Variants in VAV3 observed in about 807,000 individuals in gnomAD.
VAV3 encodes the protein vav guanine nucleotide exchange factor 3, also known as guanine nucleotide exchange factor VAV3.
VAV3 carries 94 observed loss-of-function variants against 131.2 expected under a neutral mutation model. That is an observed-to-expected ratio of 0.72 (90% CI 0.61 to 0.85). The LOEUF (loss-of-function observed/expected upper bound fraction) is 0.85. Among genes scored for constraint, VAV3 ranks in the 40% least tolerant of loss-of-function variants. The pLI, the probability that VAV3 is intolerant of heterozygous loss-of-function variation, is 0.00. For missense variants in VAV3, 939 were observed against 1,002.7 expected, an observed-to-expected ratio of 0.94 and a Z score of 0.86; for synonymous variants, 349 against 342.0, an observed-to-expected ratio of 1.02 and a Z score of -0.22.
At chr1:107,662,551 C>A (rs1162881550) in intron 19 of VAV3, among the ~76,000 whole-genome samples, 3 of 152,146 alleles carry the variant, frequency 2.0e-5, no homozygotes, top group Non-Finnish European at 4.4e-5. Context: ...CAATAGTTAT[C>A]TTTTCTATTT....
chr1:107,745,969 A>G (rs1286094959), intron 15 of VAV3, among the ~76,000 whole-genome samples: 1 of 152,176 alleles, frequency 6.6e-6, no homozygotes, highest in Non-Finnish European at 1.5e-5. Context: ...GTGGAGATAC[A>G]CAAGGCTTGC....
chr1:107,957,740 G>T (rs995196484), intron 1 of VAV3, among the ~76,000 whole-genome samples: 1 of 152,010 alleles, frequency 6.6e-6, no homozygotes. Flanking sequence ...AGAAGGGGAT[G>T]ATCAGTAACA....
At chr1:107,787,311 G>A (rs1374661478) in intron 2 of VAV3, among the ~76,000 whole-genome samples, 2 of 152,152 alleles carry the variant, frequency 1.3e-5, no homozygotes, top group Non-Finnish European at 2.9e-5. Context: ...GCTTCAGGGA[G>A]CAAAATGAGG....
chr1:107,855,341 A>G (rs192937312), intron 2 of VAV3, among the ~76,000 whole-genome samples: 1 of 152,312 alleles, frequency 6.6e-6, no homozygotes, highest in Admixed American at 6.5e-5. Context: ...CAGTGGCACA[A>G]TCATGGCTCA....
chr1:107,964,609 C>T, intron 1 of VAV3, 57 bp downstream of exon 1: 1 of 1,563,496 alleles, frequency 6.4e-7, no homozygotes, highest in African/African-American at 1.3e-5. Context: ...AGAAATTAGC[C>T]GCATGATTAA....
chr1:107,713,110 C>T (rs1051364320), intron 15 of VAV3, among the ~76,000 whole-genome samples: 2 of 151,922 alleles, frequency 1.3e-5, no homozygotes, highest in Non-Finnish European at 2.9e-5. Context: ...TATTACATGC[C>T]TATGATGTGC....
At chr1:107,573,586 G>A (rs893043747) in intron 26 of VAV3, among the ~76,000 whole-genome samples, 2 of 152,174 alleles carry the variant, frequency 1.3e-5, no homozygotes. Context: ...TAATCCACTA[G>A]CACACAAATA....
chr1:107,587,468 G>A (rs927035772), intron 25 of VAV3, among the ~76,000 whole-genome samples: 2 of 152,190 alleles, frequency 1.3e-5, no homozygotes, highest in Non-Finnish European at 2.9e-5. Flanking sequence ...TGTTTTTCAA[G>A]CAAGAGACTA....
intron 2 of VAV3, among the ~76,000 whole-genome samples, chr1:107,817,773 T>C (rs1667623411): frequency 6.6e-6 from 1 of 151,880 alleles, no homozygotes; most frequent in African/African-American, 2.4e-5. Context: ...AGAGCTAGCA[T>C]AAACCTATAG....
chr1:107,658,900 G>C (rs1411285997), intron 19 of VAV3, among the ~76,000 whole-genome samples: 1 of 152,112 alleles, frequency 6.6e-6, no homozygotes, highest in East Asian at 1.9e-4. Flanking sequence ...TCTGTAGGTT[G>C]TCTGTTCACT....
chr1:107,814,783 GA>G (rs368497877), intron 2 of VAV3, among the ~76,000 whole-genome samples: 192 of 152,270 alleles, frequency 1.3e-3, no homozygotes, highest in African/African-American at 4.2e-3. Flanking sequence ...GCTTATGGAA[GA>G]ATATTCTAGC....
intron 19 of VAV3, among the ~76,000 whole-genome samples, chr1:107,643,260 C>T (rs921451470): frequency 6.6e-6 from 1 of 152,092 alleles, no homozygotes; most frequent in Admixed American, 6.6e-5. Context: ...TGTGCCACTG[C>T]AATACTTAAG....
chr1:107,817,264 T>C (rs1464685697), intron 2 of VAV3, among the ~76,000 whole-genome samples: 1 of 152,096 alleles, frequency 6.6e-6, no homozygotes, highest in Non-Finnish European at 1.5e-5. Context: ...GAAGGGAACA[T>C]GCATGCTGGG....
At chr1:107,612,534 A>T (rs946972817) in intron 21 of VAV3, among the ~76,000 whole-genome samples, 2 of 152,068 alleles carry the variant, frequency 1.3e-5, no homozygotes, top group African/African-American at 2.4e-5. Context: ...AGCTGCTTTT[A>T]AAATCTTTTC....
chr1:107,642,575 C>T, intron 20 of VAV3, 44 bp downstream of exon 20: 2 of 1,602,852 alleles, frequency 1.2e-6, no homozygotes, highest in Admixed American at 1.7e-5. Flanking sequence ...TAAGAACCCT[C>T]TCTTGGGGTC....
At chr1:107,753,493 T>TACACACATATATATATACAC (rs1663873621) in intron 12 of VAV3, among the ~76,000 whole-genome samples, 1 of 111,620 alleles carries the variant, frequency 9.0e-6, no homozygotes, top group Admixed American at 9.3e-5. Context: ...TGTATATATA[T>TACACACATATATATATACAC]ACACACATAT....
intron 25 of VAV3, among the ~76,000 whole-genome samples, chr1:107,589,570 T>C (rs539718113): frequency 1.3e-5 from 2 of 152,374 alleles, no homozygotes; most frequent in African/African-American, 4.8e-5. Context: ...TAAACTTCTG[T>C]TGTTTTAAGC....
intron 2 of VAV3, among the ~76,000 whole-genome samples, chr1:107,829,226 C>T (rs1668140270): frequency 6.6e-6 from 1 of 152,152 alleles, no homozygotes; most frequent in South Asian, 2.1e-4. Flanking sequence ...GATGATAGTG[C>T]TGCTTACTAC....
chr1:107,895,496 A>G (rs2101071802), intron 1 of VAV3, among the ~76,000 whole-genome samples: 1 of 152,308 alleles, frequency 6.6e-6, no homozygotes, highest in South Asian at 2.1e-4. Context: ...ACAGATGAGG[A>G]AACAGAGGTA....
Sources: gnomAD v4.1 joint callset for allele counts (sites outside exome capture counted in the v4.1 genomes callset) on GRCh38, gnomAD v4.1.1 for gene constraint, MANE v1.5 for transcripts, NCBI Gene and HGNC (gene_info 2026-07-23, HGNC 2026-07-21) for gene names.